The following HMCN1 variants were observed in gnomAD, a reference collection of about 807,000 sequenced individuals.
The protein encoded by HMCN1 is hemicentin-1.
HMCN1 carries 321 observed loss-of-function variants against 625.9 expected under a neutral mutation model. The observed-to-expected ratio is 0.51, with a 90% CI of 0.47 to 0.56. The LOEUF is 0.56. Among genes scored for constraint, HMCN1 ranks in the 20% least tolerant of loss-of-function variants. The pLI, the probability that HMCN1 is intolerant of heterozygous loss-of-function variation, is 0.00. For synonymous variants in HMCN1, 2,425 were observed against 2,417.6 expected (o/e 1.00, Z -0.09); for missense variants, 6,588 against 6,887.3 (o/e 0.96, Z 1.54).
At chr1:186,182,659 A>G (rs1653008088) in intron 105 of HMCN1, among the ~76,000 whole-genome samples, 2 of 152,204 alleles carry the variant, frequency 1.3e-5, no homozygotes, top group Non-Finnish European at 2.9e-5. Flanking sequence ...GTTAGATATT[A>G]TTTTATATGT....
intron 11 of HMCN1, among the ~76,000 whole-genome samples, chr1:185,939,890 ATAAGAAGAAACATCTC>A (rs1667999325): frequency 6.6e-6 from 1 of 152,220 alleles, no homozygotes; most frequent in Non-Finnish European, 1.5e-5. Flanking sequence ...AGGTCAATTT[ATAAGAAGAAACATCTC>A]CTATCTGCTT....
At chr1:185,924,262 G>C (rs1477069471) in intron 8 of HMCN1, among the ~76,000 whole-genome samples, 81 of 108,862 alleles carry the variant, frequency 7.4e-4, no homozygotes, top group African/African-American at 2.7e-3. Flanking sequence ...ACGGAGTCTC[G>C]CTCTGTTGCC....
intron 82 of HMCN1, 81 bp from the exon 83 acceptor site, chr1:186,127,997 G>T: frequency 1.7e-6 from 2 of 1,161,782 alleles, no homozygotes; most frequent in Non-Finnish European, 2.6e-6. Flanking sequence ...TTTCTTGAGG[G>T]CCTAGCTATG....
chr1:185,977,934 C>T lies in HMCN1; in HGVS notation c.2519C>T (p.Ser840Leu). 6.2e-7 allele frequency: 1 copy of T among 1,613,320 alleles called. No individual in the cohort carries two copies. The highest frequency in any genetic ancestry group is 8.5e-7 in the Non-Finnish European group (1 of 1,179,536). The change falls in exon 16 of 107, where the codon TCA becomes TTA. Residue 840 changes from serine (S) to leucine (L), a missense_variant. Physicochemically the swap from Ser to Leu is moderately radical, Grantham distance 145 (BLOSUM62 -2). Around this residue, in one of 3 missense-constraint regions of HMCN1, gnomAD observed 4,628 missense variants for 4,853.1 expected, o/e 0.95. Coordinates refer to ENST00000271588, the MANE Select transcript of HMCN1 (RefSeq NM_031935.3). Reference sequence around the variant, plus strand: ...ATGCCAATTTTCTCAAGACCTTTTTCAGTTAGTTCCATCAGCCAACTAAGA... The same window carrying T: ...ATGCCAATTTTCTCAAGACCTTTTTTAGTTAGTTCCATCAGCCAACTAAGA... ...DNMPIFSRPF[S>L]VSSISQLRTG...
chr1:186,085,733 TTC>T (rs1166632555), intron 57 of HMCN1, among the ~76,000 whole-genome samples: 3 of 152,022 alleles, frequency 2.0e-5, no homozygotes, highest in Admixed American at 6.6e-5. Flanking sequence ...TTCCTGCCAT[TTC>T]TTTCTTCCTT....
intron 6 of HMCN1, among the ~76,000 whole-genome samples, chr1:185,914,001 A>C (rs1666567008): frequency 6.6e-6 from 1 of 152,094 alleles, no homozygotes; most frequent in African/African-American, 2.4e-5. Flanking sequence ...AAAAAGACAC[A>C]GTATCTATTA....
chr1:186,132,722 T>A (rs2102522539), intron 86 of HMCN1, among the ~76,000 whole-genome samples: 1 of 152,090 alleles, frequency 6.6e-6, no homozygotes, highest in Middle Eastern at 3.4e-3. Context: ...TATGTATACA[T>A]GTGCCATGTT....
rs147822137 is a variant in HMCN1, at chr1:186,128,191, C to T, written c.12804C>T (p.Asp4268=). The change falls in exon 83 of 107, where the codon GAC becomes GAT. Residue 4268 remains aspartate, a synonymous_variant. Coordinates refer to ENST00000271588, the MANE Select transcript of HMCN1 (RefSeq NM_031935.3). Reference sequence around the variant, plus strand: ...CCACTTTTACTGAACTTCCTGGAGACGTGTCATTAAATAAAGGAGAACAGC... The same window carrying T: ...CCACTTTTACTGAACTTCCTGGAGATGTGTCATTAAATAAAGGAGAACAGC... ...VLPTFTELPG[D]VSLNKGEQLR... 1.3e-4 allele frequency: 211 copies of T among 1,613,434 alleles called. No homozygotes were observed. Among genetic ancestry groups the T allele is most frequent in the Non-Finnish European group, 1.7e-4 (199 of 1,179,732 alleles).
chr1:185,862,936 T>C (rs1278422272), intron 2 of HMCN1, among the ~76,000 whole-genome samples: 2 of 152,198 alleles, frequency 1.3e-5, no homozygotes, highest in East Asian at 3.8e-4. Flanking sequence ...TCAAAGGCTG[T>C]AAGTTTTGAT....
intron 6 of HMCN1, among the ~76,000 whole-genome samples, chr1:185,921,040 G>A (rs1666980471): frequency 6.6e-6 from 1 of 152,038 alleles, no homozygotes; most frequent in Non-Finnish European, 1.5e-5. Context: ...GGAAATCCCT[G>A]ATTTAAAATT....
Position 186,119,262 on chromosome 1 carries a change from G to A in HMCN1, c.11920G>A (p.Gly3974Ser). ...CACTTGTGTCGCTAGGAATGCGGCT[G>A]GCTCTGCACATCGACACGTGACCCT... Reference protein sequence around the residue: ...RYTCVARNAAGSAHRHVTLHV... With the variant: ...RYTCVARNAASSAHRHVTLHV... The change falls in exon 78 of 107, where the codon GGC becomes AGC. Residue 3974 changes from glycine (G) to serine (S), a missense_variant. This residue lies in a region of HMCN1 where 4,628 missense variants were observed against 4,853.1 expected (regional missense o/e 0.95). Transcript: ENST00000271588. The A allele has an allele frequency of 6.2e-7, 1 of 1,613,862 alleles. No individual in the cohort carries two copies. The highest frequency in any genetic ancestry group is 8.5e-7 in the Non-Finnish European group (1 of 1,179,820).
intron 86 of HMCN1, among the ~76,000 whole-genome samples, chr1:186,135,714 C>T (rs755467467): frequency 4.6e-5 from 7 of 152,160 alleles, no homozygotes; most frequent in Non-Finnish European, 7.3e-5. Flanking sequence ...CATACCAATC[C>T]GTAACAAAGT....
At chr1:185,858,586 ATTTTTTTTTTTTTTTTTTT>A (rs71101980) in intron 2 of HMCN1, among the ~76,000 whole-genome samples, 895 of 34,664 alleles carry the variant, frequency 0.026, 23 homozygotes, top group Middle Eastern at 0.037. Flanking sequence ...CACCCAGCTA[ATTTTTTTTTTTTTTTTTTT>A]TTTTTTTTTT....
chr1:186,093,442 T>C (rs1659954423), intron 65 of HMCN1, 44 bp from the exon 66 acceptor site: 1 of 1,600,050 alleles, frequency 6.2e-7, no homozygotes, highest in Non-Finnish European at 8.6e-7. Flanking sequence ...TAGTATTACA[T>C]AATACATCCC....
At chr1:186,186,293 G>A (rs983782471) in intron 105 of HMCN1, among the ~76,000 whole-genome samples, 37 of 152,142 alleles carry the variant, frequency 2.4e-4, no homozygotes, top group African/African-American at 8.4e-4. Flanking sequence ...ATGGGAGGCC[G>A]AGGTGGGTGG....
At chr1:185,783,319 A>C (rs1657284439) in intron 1 of HMCN1, among the ~76,000 whole-genome samples, 1 of 152,030 alleles carries the variant, frequency 6.6e-6, no homozygotes, top group Non-Finnish European at 1.5e-5. Flanking sequence ...GAGAAGTTTG[A>C]TCATTTGAAG....
rs529385284 is a variant in HMCN1, at chr1:186,186,663, T to G, written c.16415-1220T>G. Among the ~76,000 whole-genome samples, 4 of 152,252 alleles carry G rather than the reference T, an allele frequency of 2.6e-5. No individual in the cohort carries two copies. The East Asian group carries it at 7.7e-4, about 29-fold the overall frequency. The stretch of plus-strand genomic sequence containing the variant: ...ATCCTCTGAGATTAGTTGCAATCTG[T>G]TTTTGTAAATCAGAAGGTTGGAAAC... On this transcript the variant is annotated intron_variant, in intron 105 of 106. Transcript: ENST00000271588.
intron 42 of HMCN1, among the ~76,000 whole-genome samples, chr1:186,052,387 A>G (rs1163379024): frequency 6.6e-6 from 1 of 152,066 alleles, no homozygotes; most frequent in East Asian, 1.9e-4. Flanking sequence ...TGAGAAAATC[A>G]TGGGTAGTCA....
chr1:185,867,831 G>C (rs1468755410), intron 4 of HMCN1, among the ~76,000 whole-genome samples: 1 of 152,186 alleles, frequency 6.6e-6, no homozygotes, highest in African/African-American at 2.4e-5. Flanking sequence ...AGCACTTTGG[G>C]AGGCCGCAGC....
Sources: gnomAD v4.1 joint callset for allele counts (sites outside exome capture counted in the v4.1 genomes callset) on GRCh38, gnomAD v4.1.1 for gene constraint, gnomAD v4.1.1 regional missense constraint, MANE v1.5 for transcripts, NCBI Gene and HGNC (gene_info 2026-07-23, HGNC 2026-07-21) for gene names.